The following RAB19 variants were observed in gnomAD, a reference collection of about 807,000 sequenced individuals.
The protein encoded by RAB19 is RAB19, member RAS oncogene family.
In RAB19, 21 loss-of-function variants were observed where a neutral mutation model predicts 17.3. The observed-to-expected ratio is 1.21, with a 90% CI of 0.86 to 1.74. The LOEUF is 1.74. RAB19 is among the 40% of genes most tolerant of loss of function. RAB19 has a pLI of 0.00. For synonymous variants in RAB19, 126 were observed against 110.4 expected, an observed-to-expected ratio of 1.14 and a Z score of -0.88; for missense variants, 277 against 286.8, an observed-to-expected ratio of 0.97 and a Z score of 0.25.
chr7:140,412,554 G>A (rs1482549098), intron 3 of RAB19, among the ~76,000 whole-genome samples: 1 of 150,460 alleles, frequency 6.6e-6, no homozygotes, highest in Non-Finnish European at 1.5e-5. Flanking sequence ...TTTTTGTAAA[G>A]ACGGGGTTTT....
intron 3 of RAB19, among the ~76,000 whole-genome samples, chr7:140,416,177 T>C (rs1341343640): frequency 6.6e-6 from 1 of 151,806 alleles, no homozygotes; most frequent in Non-Finnish European, 1.5e-5. Context: ...ACCCCGTCTC[T>C]ACTAGCTGGG....
At chr7:140,423,276 C>A (rs1799594098) in intron 3 of RAB19, among the ~76,000 whole-genome samples, 1 of 151,932 alleles carries the variant, frequency 6.6e-6, no homozygotes, top group Non-Finnish European at 1.5e-5. Flanking sequence ...TCTGTCTCTA[C>A]TAAAAATACA....
rs550490582 is a variant in RAB19, at chr7:140,412,332, G to A, written c.385+275G>A. On this transcript the variant is annotated intron_variant, in intron 3 of 3. Transcript: ENST00000537763. ...ACAGGCGTAGTGGTGGGCGCCTGTA[G>A]TCCCAGCTACTCGGGAGGCTGAGGC... Among the ~76,000 whole-genome samples, 505 of 151,990 alleles carry A rather than the reference G, an allele frequency of 3.3e-3. 4 individuals are homozygous for A. Among genetic ancestry groups the A allele is most frequent in the African/African-American group, 0.012 (478 of 41,444 alleles).
At chr7:140,421,158 T>C (rs1799555924) in intron 3 of RAB19, among the ~76,000 whole-genome samples, 2 of 152,120 alleles carry the variant, frequency 1.3e-5, no homozygotes, top group South Asian at 4.1e-4. Flanking sequence ...CCCAAAGTGC[T>C]GGGGTTACAG....
rs745342724 is a variant in RAB19, at chr7:140,416,114, G to A, written c.385+4057G>A. 1.6e-4 allele frequency among the ~76,000 whole-genome samples: 25 copies of A among 152,080 alleles called. 1 individual carries two copies. Among genetic ancestry groups the A allele is most frequent in the East Asian group, 9.7e-4 (5 of 5,162 alleles). On this transcript the variant is annotated intron_variant, in intron 3 of 3. Coordinates refer to ENST00000537763, the MANE Select transcript of RAB19 (RefSeq NM_001008749.3). ...TCCTAGCACTTTGGGAGGCCAAGGCGGGCAGATCACCTGAGGTCGGGAATT... is the reference window on the plus strand; with the variant it reads ...TCCTAGCACTTTGGGAGGCCAAGGCAGGCAGATCACCTGAGGTCGGGAATT...
intron 3 of RAB19, among the ~76,000 whole-genome samples, chr7:140,424,594 T>C (rs948643812): frequency 2.1e-5 from 2 of 94,996 alleles, no homozygotes; most frequent in Non-Finnish European, 4.0e-5. Flanking sequence ...TCCCTCTCTC[T>C]CTCTCTCTCT....
chr7:140,420,704 C>T (rs1032343536), intron 3 of RAB19, among the ~76,000 whole-genome samples: 4 of 152,028 alleles, frequency 2.6e-5, no homozygotes, highest in Non-Finnish European at 4.4e-5. Flanking sequence ...CCCACTAGGG[C>T]GCTGCACTAG....
intron 2 of RAB19, 81 bp downstream of exon 2, chr7:140,407,928 G>T (rs1240013723): frequency 5.7e-6 from 6 of 1,054,554 alleles, no homozygotes; most frequent in Non-Finnish European, 6.6e-6. Context: ...AGTCTCGCGC[G>T]ATCTCGGCTC....
chr7:140,408,901 G>A lies in RAB19; in HGVS notation c.201+1054G>A, dbSNP rs373174705. Among the ~76,000 whole-genome samples, 7 of 152,200 alleles carry A rather than the reference G, an allele frequency of 4.6e-5. No homozygotes were observed. The South Asian group carries it at 1.5e-3, about 32-fold the overall frequency. ...AGCCTCCTGAATAGCTGGGACCACA[G>A]GTGCACCCCACCATGCCCAACTCCT... On this transcript the variant is annotated intron_variant, in intron 2 of 3. Transcript: ENST00000537763.
chr7:140,406,724 G>A (rs562468518), intron 1 of RAB19, among the ~76,000 whole-genome samples: 1 of 151,584 alleles, frequency 6.6e-6, no homozygotes, highest in Non-Finnish European at 1.5e-5. Flanking sequence ...TATAGCCATG[G>A]TTTTAATTTT....
At chr7:140,409,903 G>A (rs1215863436) in intron 2 of RAB19, among the ~76,000 whole-genome samples, 4 of 138,856 alleles carry the variant, frequency 2.9e-5, no homozygotes, top group Non-Finnish European at 6.1e-5. Flanking sequence ...TGAGGCAGGA[G>A]AATGGCGTGA....
At position 140,426,839 on chromosome 7, in the gene RAB19, CT is replaced by C. The variant is rs398067341; in HGVS notation, c.*709del. Reference sequence around the variant, plus strand: ...AAGACACCTGCAATTTTTTTTCTTTCTTTTTTTTTTTTTTTTTTTTGAGACA... The same window carrying C: ...AAGACACCTGCAATTTTTTTTCTTTCTTTTTTTTTTTTTTTTTTTGAGACA... On this transcript the variant is annotated 3_prime_UTR_variant, in exon 4 of 4. Transcript: ENST00000537763. Among the ~76,000 whole-genome samples, 902 of 123,988 alleles carry C rather than the reference CT, an allele frequency of 7.3e-3. 4 individuals carry two copies. Among genetic ancestry groups the C allele is most frequent in the African/African-American group, 0.024 (733 of 30,838 alleles). 81.3% of individuals were successfully genotyped at this position (123,988 alleles called of 152,430 possible).
intron 2 of RAB19, 70 bp downstream of exon 2, chr7:140,407,917 G>A: frequency 8.8e-7 from 1 of 1,134,670 alleles, no homozygotes; most frequent in Non-Finnish European, 1.2e-6. Context: ...CCTTGAGACG[G>A]AGTCTCGCGC....
rs117730686 is a variant in RAB19, at chr7:140,419,797, G to T, written c.386-6085G>T. On this transcript the variant is annotated intron_variant, in intron 3 of 3. Transcript: ENST00000537763. ...TTGTTCTACATCCTCACCAACATCT[G>T]GTGCTATTAGTCCTTTTACTTCCAT... Among the ~76,000 whole-genome samples, 713 of 152,220 alleles carry T rather than the reference G, an allele frequency of 4.7e-3. 3 individuals are homozygous for T. The highest frequency in any genetic ancestry group is 7.2e-3 in the Non-Finnish European group (487 of 68,022).
At chr7:140,409,227 G>T (rs1254981425) in intron 2 of RAB19, among the ~76,000 whole-genome samples, 2 of 151,948 alleles carry the variant, frequency 1.3e-5, no homozygotes, top group African/African-American at 4.8e-5. Flanking sequence ...ATCCAGGCAT[G>T]GTGGCGCGTG....
intron 3 of RAB19, among the ~76,000 whole-genome samples, chr7:140,424,089 A>G (rs1799608842): frequency 6.6e-6 from 1 of 151,272 alleles, no homozygotes; most frequent in African/African-American, 2.4e-5. Flanking sequence ...TCCTGACCTC[A>G]GGTGATCCAC....
chr7:140,427,360 G>A lies in RAB19; in HGVS notation c.*1210G>A, dbSNP rs1482727458. Among the ~76,000 whole-genome samples, 2 of 149,584 alleles carry A rather than the reference G, an allele frequency of 1.3e-5. No homozygotes were observed. The highest frequency in any genetic ancestry group is 6.7e-5 in the Admixed American group (1 of 14,966). ...GTAGAGACTGGGTTTCACTACGTTG[G>A]TCAGGCTGGTCTTGAACTCCTGACC... On this transcript the variant is annotated 3_prime_UTR_variant, in exon 4 of 4. Transcript: ENST00000537763.
intron 2 of RAB19, 125 bp from the exon 3 acceptor site, chr7:140,411,749 T>C: frequency 6.4e-7 from 1 of 1,571,490 alleles, no homozygotes; most frequent in African/African-American, 1.4e-5. Flanking sequence ...CCACCCCAGA[T>C]CTACTGGGTC....
chr7:140,424,757 G>A (rs992500060), intron 3 of RAB19, among the ~76,000 whole-genome samples: 7 of 150,808 alleles, frequency 4.6e-5, no homozygotes, highest in African/African-American at 1.7e-4. Flanking sequence ...GTTTAAACAT[G>A]TTTTATGGAA....
Sources: allele counts gnomAD v4.1 joint callset (sites outside exome capture counted in the v4.1 genomes callset), GRCh38; gene constraint gnomAD v4.1.1; transcripts MANE v1.5; gene names NCBI Gene and HGNC (gene_info 2026-07-23, HGNC 2026-07-21).